The following RANBP2 variants were observed in gnomAD, a reference collection of about 807,000 sequenced individuals.
RANBP2 encodes RAN binding protein 2, also known as E3 SUMO-protein ligase RanBP2.
A neutral mutation model predicts 303.6 loss-of-function variants in RANBP2; 57 were observed. The observed-to-expected ratio is 0.19, with a 90% CI of 0.15 to 0.23. The LOEUF (loss-of-function observed/expected upper bound fraction) is 0.23, where lower values mean the gene tolerates loss of function less well. Ranked by LOEUF, RANBP2 falls within the 10% of genes least tolerant of loss-of-function variation. The pLI is 1.00. For missense variants in RANBP2, 3,138 were observed against 3,780.8 expected (o/e 0.83, Z 4.46); for synonymous variants, 1,167 against 1,301.5 (o/e 0.90, Z 2.23).
At chr2:109,502,890 T>A in the RANBP2 span, 4 of 152,344 alleles carry the variant, frequency 2.6e-5, no homozygotes, top group Middle Eastern at 3.4e-3. Context: ...TCTTCTTTTT[T>A]AAAAATAAAT....
chr2:109,229,481 G>C, the RANBP2 span, among the ~76,000 whole-genome samples: 1 of 152,126 alleles, frequency 6.6e-6, no homozygotes, highest in Non-Finnish European at 1.5e-5. Context: ...TCTCAGACTG[G>C]TCCTGGGGTG....
chr2:108,897,177 C>A, the RANBP2 span: 1 of 1,613,856 alleles, frequency 6.2e-7, no homozygotes. Context: ...TGGAGCTGAG[C>A]ATTCGGCTAG....
chr2:109,157,352 T>A, the RANBP2 span, among the ~76,000 whole-genome samples: 2 of 152,240 alleles, frequency 1.3e-5, no homozygotes, highest in African/African-American at 4.8e-5. Context: ...ATTACAAATA[T>A]TGCATTCGCT....
chr2:109,556,415 T>C, the RANBP2 span, among the ~76,000 whole-genome samples: 2 of 152,218 alleles, frequency 1.3e-5, no homozygotes, highest in African/African-American at 4.8e-5. Context: ...CTTTTAAGTA[T>C]AGAATTCTGT....
the RANBP2 span, among the ~76,000 whole-genome samples, chr2:109,212,065 T>G: frequency 5.9e-5 from 9 of 152,330 alleles, no homozygotes; most frequent in South Asian, 2.1e-4. Context: ...TCCAGGGAGA[T>G]AGCGAAACTT....
chr2:108,757,045 A>T (rs2020081), intron 17 of RANBP2, among the ~76,000 whole-genome samples: 19 of 152,214 alleles, frequency 1.2e-4, no homozygotes, highest in African/African-American at 3.9e-4. Context: ...GAAATTTTTA[A>T]TTGAAACACT....
the RANBP2 span, among the ~76,000 whole-genome samples, chr2:109,727,530 A>G: frequency 6.6e-6 from 1 of 152,052 alleles, no homozygotes; most frequent in African/African-American, 2.4e-5. Flanking sequence ...CTGAAAACCT[A>G]TTTTACATAG....
At chr2:109,233,746 C>G in the RANBP2 span, among the ~76,000 whole-genome samples, 1 of 152,228 alleles carries the variant, frequency 6.6e-6, no homozygotes, top group African/African-American at 2.4e-5. Flanking sequence ...AGTCCCACAT[C>G]AGCTTTCTGT....
chr2:109,563,880 C>T, the RANBP2 span, among the ~76,000 whole-genome samples: 2 of 151,942 alleles, frequency 1.3e-5, no homozygotes, highest in African/African-American at 2.4e-5. Context: ...CAAAGCTTTG[C>T]GAGGCTGAGG....
At chr2:109,317,236 C>G in the RANBP2 span, among the ~76,000 whole-genome samples, 2 of 152,098 alleles carry the variant, frequency 1.3e-5, no homozygotes, top group Non-Finnish European at 2.9e-5. Flanking sequence ...CGGATGGAAT[C>G]TCCTAGTGTA....
chr2:108,847,222 T>TG, the RANBP2 span, among the ~76,000 whole-genome samples: 1 of 152,208 alleles, frequency 6.6e-6, no homozygotes, highest in African/African-American at 2.4e-5. Flanking sequence ...AAATTGCTAG[T>TG]TAATTATTTT....
the RANBP2 span, among the ~76,000 whole-genome samples, chr2:109,234,463 G>T: frequency 3.9e-5 from 6 of 152,280 alleles, no homozygotes; most frequent in South Asian, 1.2e-3. Flanking sequence ...ACCAATTTTG[G>T]GGAACACTGG....
the RANBP2 span, chr2:109,552,551 G>T: frequency 6.6e-6 from 1 of 152,330 alleles, no homozygotes; most frequent in African/African-American, 2.4e-5. Flanking sequence ...CAAAGGGAAG[G>T]TCATAGTTTG....
At chr2:108,821,018 T>TA in the RANBP2 span, among the ~76,000 whole-genome samples, 119,722 of 151,968 alleles carry the variant, frequency 0.79, 47,589 homozygotes, top group East Asian at 0.95. Flanking sequence ...ACAAAAGTAT[T>TA]AAAAAAAACT....
chr2:109,427,631 C>T, the RANBP2 span, among the ~76,000 whole-genome samples: 1 of 152,234 alleles, frequency 6.6e-6, no homozygotes, highest in Non-Finnish European at 1.5e-5. Context: ...GTCAAAGGTG[C>T]TCAGTTGGGA....
chr2:108,753,982 G>A lies in RANBP2; in HGVS notation c.2202+11G>A, dbSNP rs374797502. 39 of 1,611,644 alleles carry A rather than the reference G, an allele frequency of 2.4e-5. No homozygotes were observed. Among genetic ancestry groups the A allele is most frequent in the Admixed American group, 3.3e-5 (2 of 59,986 alleles). On this transcript the variant is annotated intron_variant, in intron 15 of 28. Transcript: ENST00000283195. ...TCAGTGGTCAAGAAAGTAAGTAGCA[G>A]GTTGTTGTATGTACGTTCTTACTGA... is the stretch of plus-strand genomic sequence containing the variant.
At chr2:109,110,338 C>T in the RANBP2 span, among the ~76,000 whole-genome samples, 2 of 152,270 alleles carry the variant, frequency 1.3e-5, no homozygotes, top group African/African-American at 2.4e-5. Flanking sequence ...GAGGCCTGAT[C>T]GTCTCTGAAC....
the RANBP2 span, among the ~76,000 whole-genome samples, chr2:109,303,597 C>T: frequency 0.24 from 36,075 of 152,128 alleles, 5,320 homozygotes; most frequent in East Asian, 0.65. Context: ...GGGAGAGGGC[C>T]GCCACACGGG....
At chr2:109,106,934 CTTTTT>C in the RANBP2 span, among the ~76,000 whole-genome samples, 1 of 133,782 alleles carries the variant, frequency 7.5e-6, no homozygotes, top group Non-Finnish European at 1.6e-5. Context: ...GGGCCTTCTC[CTTTTT>C]TTTTTTTTTT....
Sources: gnomAD v4.1 joint callset for allele counts (sites outside exome capture counted in the v4.1 genomes callset) on GRCh38, gnomAD v4.1.1 for gene constraint, MANE v1.5 for transcripts, NCBI Gene and HGNC (gene_info 2026-07-23, HGNC 2026-07-21) for gene names.